The following APCDD1L variants were observed in gnomAD, a reference collection of about 807,000 sequenced individuals.
The protein encoded by APCDD1L is protein APCDD1-like.
In APCDD1L, 21 loss-of-function variants were observed where a neutral mutation model predicts 24.2. The observed-to-expected ratio is 0.87, with a 90% CI of 0.61 to 1.25. APCDD1L has a LOEUF of 1.25. Among genes scored for constraint, APCDD1L ranks in the 50% most tolerant of loss-of-function variants. The pLI is 0.00. For synonymous variants in APCDD1L, 321 were observed against 323.6 expected (o/e 0.99, Z 0.09); for missense variants, 704 against 711.7 (o/e 0.99, Z 0.12).
chr20:58,468,037 G>A (rs939325813), intron 2 of APCDD1L, among the ~76,000 whole-genome samples: 11 of 152,036 alleles, frequency 7.2e-5, no homozygotes, highest in African/African-American at 2.2e-4. Flanking sequence ...TCCCTCCCGC[G>A]TCCTTGCTGA....
rs370387051 is a variant in APCDD1L, at chr20:58,461,231, G to A, written c.1065C>T (p.Val355=). The change falls in exon 4 of 4, where the codon GTC becomes GTT. Residue 355 remains valine, a synonymous_variant. Coordinates refer to ENST00000371149, the MANE Select transcript of APCDD1L (RefSeq NM_153360.3). The surrounding 1 kb of genome is among the most constrained non-coding windows in gnomAD (Gnocchi z 6.0). ...VRGGTELVFE[V]TRAHVTPMDQ... is the part of the protein sequence containing the mutation. ...CCATGGGGGTCACATGGGCCCGTGT[G>A]ACCTCAAACACCAGCTCGGTGCCGC... The A allele has an allele frequency of 3.7e-6, 6 of 1,613,536 alleles. No homozygotes were observed. In the African/African-American group the frequency reaches 8.0e-5, roughly 22 times the overall value.
chr20:58,496,842 G>GGGCCA (rs1990332308), intron 1 of APCDD1L, among the ~76,000 whole-genome samples: 1 of 152,156 alleles, frequency 6.6e-6, no homozygotes, highest in Admixed American at 6.5e-5. Flanking sequence ...GCCCCTGAGG[G>GGGCCA]GGCCAGGCCA....
chr20:58,482,004 C>A (rs1437000662), intron 1 of APCDD1L, among the ~76,000 whole-genome samples: 2 of 152,208 alleles, frequency 1.3e-5, no homozygotes, highest in Non-Finnish European at 2.9e-5. Flanking sequence ...GCTTCATAAA[C>A]AATGAAACAA....
At chr20:58,474,891 C>T (rs1989878346) in intron 1 of APCDD1L, among the ~76,000 whole-genome samples, 3 of 152,172 alleles carry the variant, frequency 2.0e-5, no homozygotes, top group South Asian at 4.2e-4. Flanking sequence ...GCTCCCCTCT[C>T]CTCTTAGATC....
At chr20:58,496,992 G>A (rs1077350) in intron 1 of APCDD1L, among the ~76,000 whole-genome samples, 118,904 of 152,132 alleles carry the variant, frequency 0.78, 46,824 homozygotes, top group East Asian at 0.97. Flanking sequence ...AAGAAAAGTC[G>A]CGATGCAAAT....
At chr20:58,495,812 G>A (rs941748184) in intron 1 of APCDD1L, among the ~76,000 whole-genome samples, 53 of 152,108 alleles carry the variant, frequency 3.5e-4, no homozygotes, top group African/African-American at 1.0e-3. Context: ...CACTGCGCCC[G>A]GCACCTGGCT....
At position 58,470,760 on chromosome 20, in the gene APCDD1L, C is replaced by G. The variant is rs1476574022; in HGVS notation, c.50-13G>C. 1.3e-6 allele frequency: 2 copies of G among 1,530,906 alleles called. No individual in the cohort carries two copies. Among genetic ancestry groups the G allele is most frequent in the Non-Finnish European group, 1.7e-6 (2 of 1,144,214 alleles). 94.8% of individuals were successfully genotyped at this position (1,530,906 alleles called of 1,614,324 possible). ...GGTGCAGTGTGGGCTGCAAAGCAGA[C>G]AGACCTGGGTAAGACCCCAGCATGC... is the stretch of plus-strand genomic sequence containing the variant. On this transcript the variant is annotated splice_polypyrimidine_tract_variant and intron_variant, in intron 1 of 3. Transcript: ENST00000371149.
At chr20:58,487,349 A>G (rs1990137816) in intron 1 of APCDD1L, among the ~76,000 whole-genome samples, 1 of 151,948 alleles carries the variant, frequency 6.6e-6, no homozygotes, top group African/African-American at 2.4e-5. Context: ...TAACTTCCAA[A>G]CCAGAAGAAA....
At chr20:58,483,516 G>A (rs2123159135) in intron 1 of APCDD1L, among the ~76,000 whole-genome samples, 1 of 152,318 alleles carries the variant, frequency 6.6e-6, no homozygotes, top group East Asian at 1.9e-4. Context: ...CTGGGTTGCT[G>A]TTAGGATGAG....
chr20:58,475,307 T>TG (rs1181247796), intron 1 of APCDD1L, among the ~76,000 whole-genome samples: 1 of 151,972 alleles, frequency 6.6e-6, no homozygotes, highest in Non-Finnish European at 1.5e-5. Flanking sequence ...GAACACAGGG[T>TG]GGGGTGCGAG....
Position 58,467,267 on chromosome 20 carries a change from G to A in APCDD1L, c.580C>T (p.His194Tyr). 6.4e-7 allele frequency: 1 copy of A among 1,571,952 alleles called. No homozygotes were observed. Among genetic ancestry groups the A allele is most frequent in the East Asian group, 2.3e-5 (1 of 42,886 alleles). ...DCLEALGLTM[H>Y]ELSLVRVQRR... ...TGCACGCGGACCAGGCTGAGCTCGT[G>A]CATGGTGAGGCCCAGCGCCTCCAGG... Residue 194 changes from histidine to tyrosine, a missense_variant, in exon 3 of 4, where the codon CAC (histidine) becomes TAC (tyrosine). Coordinates refer to ENST00000371149, the MANE Select transcript of APCDD1L (RefSeq NM_153360.3). The surrounding 1 kb of genome is among the most constrained non-coding windows in gnomAD (Gnocchi z 5.9).
In APCDD1L at chr20:58,485,555, C is replaced by T. The variant is rs537554328; in HGVS notation, c.50-14808G>A. On this transcript the variant is annotated intron_variant, in intron 1 of 3. Transcript: ENST00000371149. ...ATACTCCATTAACTTGGATTCTTAC[C>T]CTTCTGTTTATTTTCACTGCCATCA... is the stretch of plus-strand genomic sequence containing the variant. Among the ~76,000 whole-genome samples, 23 of 152,158 alleles carry T rather than the reference C, an allele frequency of 1.5e-4. No individual in the cohort carries two copies. The South Asian group carries it at 4.6e-3, about 30-fold the overall frequency.
intron 1 of APCDD1L, among the ~76,000 whole-genome samples, chr20:58,496,376 G>T (rs181049804): frequency 2.0e-5 from 3 of 152,382 alleles, no homozygotes; most frequent in African/African-American, 7.2e-5. Context: ...GTGGCCCAAT[G>T]AGACAGCCTG....
chr20:58,483,802 G>A (rs1370593789), intron 1 of APCDD1L, among the ~76,000 whole-genome samples: 1 of 152,170 alleles, frequency 6.6e-6, no homozygotes, highest in East Asian at 1.9e-4. Context: ...AGGAGGTGAG[G>A]CTGGGGCCAA....
chr20:58,512,806 C>T (rs928610159), intron 1 of APCDD1L, among the ~76,000 whole-genome samples: 3 of 152,108 alleles, frequency 2.0e-5, no homozygotes, highest in African/African-American at 7.2e-5. Flanking sequence ...AAAATAGTGC[C>T]CGGTGTAGAG....
At chr20:58,493,374 A>T (rs1007968860) in intron 1 of APCDD1L, among the ~76,000 whole-genome samples, 1 of 152,262 alleles carries the variant, frequency 6.6e-6, no homozygotes. Context: ...TAACTCTAGC[A>T]CATTTACACC....
intron 1 of APCDD1L, among the ~76,000 whole-genome samples, chr20:58,479,945 C>G (rs116344102): frequency 0.012 from 1,813 of 152,256 alleles, 28 homozygotes; most frequent in African/African-American, 0.041. Context: ...ACCAGAACAC[C>G]CCCAGAAGGC....
intron 1 of APCDD1L, among the ~76,000 whole-genome samples, chr20:58,503,283 A>G (rs1258678260): frequency 6.6e-6 from 1 of 152,224 alleles, no homozygotes; most frequent in African/African-American, 2.4e-5. Context: ...TCATCATAAA[A>G]GCCCAGGTAC....
At chr20:58,469,715 T>C (rs1568736532) in intron 2 of APCDD1L, among the ~76,000 whole-genome samples, 1 of 152,174 alleles carries the variant, frequency 6.6e-6, no homozygotes, top group Admixed American at 6.5e-5. Flanking sequence ...CTCGAAGGAC[T>C]CATGTCCCCT....
Sources: allele counts gnomAD v4.1 joint callset (sites outside exome capture counted in the v4.1 genomes callset), GRCh38; gene constraint gnomAD v4.1.1; non-coding constraint Gnocchi (gnomAD v3.1); transcripts MANE v1.5; gene names NCBI Gene and HGNC (gene_info 2026-07-23, HGNC 2026-07-21).